The following FAT3 variants were observed in gnomAD, a reference collection of about 807,000 sequenced individuals.
The protein encoded by FAT3 is protocadherin Fat 3.
A neutral mutation model predicts 310.2 loss-of-function variants in FAT3; 95 were observed. The observed-to-expected ratio is 0.31, with a 90% CI of 0.26 to 0.36. The LOEUF is 0.36. Ranked by LOEUF, FAT3 falls within the 10% of genes least tolerant of loss-of-function variation. The pLI is 1.00. For missense variants in FAT3, 5,408 were observed against 5,715.6 expected (o/e 0.95, Z 1.74); for synonymous variants, 2,314 against 2,192.9 (o/e 1.06, Z -1.54).
At chr11:92,767,867 A>G (rs1227780590) in intron 6 of FAT3, among the ~76,000 whole-genome samples, 1 of 152,132 alleles carries the variant, frequency 6.6e-6, no homozygotes, top group Admixed American at 6.5e-5. Context: ...GAGATACCCC[A>G]GGCAGCCACT....
At chr11:92,422,197 A>AGT (rs1950546040) in intron 2 of FAT3, among the ~76,000 whole-genome samples, 2 of 152,154 alleles carry the variant, frequency 1.3e-5, no homozygotes, top group Non-Finnish European at 2.9e-5. Context: ...ACCAGTGAGA[A>AGT]AGACAAGTTT....
At chr11:92,683,974 G>A (rs925822681) in intron 3 of FAT3, among the ~76,000 whole-genome samples, 4 of 152,080 alleles carry the variant, frequency 2.6e-5, no homozygotes, top group South Asian at 2.1e-4. Context: ...ATGTAGCATC[G>A]ACATGTACAA....
chr11:92,491,352 C>T (rs1952592837), intron 2 of FAT3, among the ~76,000 whole-genome samples: 1 of 152,032 alleles, frequency 6.6e-6, no homozygotes. Context: ...GCAAAACCTA[C>T]TGCAATACAC....
chr11:92,798,606 A>G lies in FAT3; in HGVS notation c.5593A>G (p.Ser1865Gly). Residue 1865 changes from serine to glycine, a missense_variant, in exon 10 of 28, where the codon AGT becomes GGT. Physicochemically the swap from Ser to Gly is moderately conservative, Grantham distance 56. Coordinates refer to ENST00000525166, the MANE Select transcript of FAT3 (RefSeq NM_001367949.2). ...TGGTAGCCCCCAACTGACTGCAGAGAGTCCCGTTGAAGTCAACATTGAGGT... is the reference window on the plus strand; with the variant it reads ...TGGTAGCCCCCAACTGACTGCAGAGGGTCCCGTTGAAGTCAACATTGAGGT... ...DSGSPQLTAE[S>G]PVEVNIEVTD... 6.2e-7 allele frequency: 1 copy of G among 1,613,834 alleles called. No individual in the cohort carries two copies. Among genetic ancestry groups the G allele is most frequent in the African/African-American group, 1.3e-5 (1 of 75,044 alleles).
At chr11:92,881,115 C>T (rs1041584865) in intron 23 of FAT3, among the ~76,000 whole-genome samples, 2 of 152,080 alleles carry the variant, frequency 1.3e-5, no homozygotes, top group Non-Finnish European at 2.9e-5. Context: ...TTCCCTATAC[C>T]TTCAAAATTG....
In FAT3 at chr11:92,799,467, A is replaced by G; in HGVS notation, c.6454A>G (p.Ile2152Val). Residue 2152 changes from isoleucine (I) to valine (V), a missense_variant, in exon 10 of 28, where the codon ATT becomes GTT. Physicochemically the swap from Ile to Val is conservative, Grantham distance 29. Around this residue, in one of 5 missense-constraint regions of FAT3, gnomAD observed 4,588 missense variants for 4,809.8 expected, o/e 0.95. Transcript: ENST00000525166. ...AGCATTCAACTCTGACTTGTCCAAC[A>G]TTGAGTATGGAGTCACCATCCTAGC... Reference protein sequence around the residue: ...KEAFNSDLSNIEYGVTILAKD... With the variant: ...KEAFNSDLSNVEYGVTILAKD... 1 of 1,613,710 alleles carries G rather than the reference A, an allele frequency of 6.2e-7. No homozygotes were observed. Among genetic ancestry groups the G allele is most frequent in the Non-Finnish European group, 8.5e-7 (1 of 1,179,792 alleles).
intron 6 of FAT3, among the ~76,000 whole-genome samples, chr11:92,773,130 AT>A (rs1464368413): frequency 6.6e-6 from 1 of 152,122 alleles, no homozygotes; most frequent in African/African-American, 2.4e-5. Context: ...CATACATACC[AT>A]TATTTTTCTC....
intron 1 of FAT3, among the ~76,000 whole-genome samples, chr11:92,244,027 A>T (rs1231328603): frequency 6.6e-6 from 1 of 151,820 alleles, no homozygotes; most frequent in East Asian, 1.9e-4. Flanking sequence ...TTAGAATGTT[A>T]CTCTCTGCCT....
At chr11:92,727,003 T>A (rs1945021850) in intron 4 of FAT3, among the ~76,000 whole-genome samples, 1 of 152,146 alleles carries the variant, frequency 6.6e-6, no homozygotes, top group African/African-American at 2.4e-5. Context: ...ATACTGCTCT[T>A]ATGACAAAAT....
At chr11:92,707,353 G>C (rs536634902) in intron 4 of FAT3, among the ~76,000 whole-genome samples, 161 of 152,296 alleles carry the variant, frequency 1.1e-3, no homozygotes, top group African/African-American at 3.8e-3. Context: ...GTGCACACAG[G>C]CCTTAGGGAG....
chr11:92,634,051 C>T (rs1941664031), intron 3 of FAT3, among the ~76,000 whole-genome samples: 1 of 152,138 alleles, frequency 6.6e-6, no homozygotes, highest in Non-Finnish European at 1.5e-5. Context: ...AGTGAGACAC[C>T]TCTGTCCACT....
At chr11:92,255,758 C>T (rs912172423) in intron 1 of FAT3, among the ~76,000 whole-genome samples, 1 of 152,050 alleles carries the variant, frequency 6.6e-6, no homozygotes, top group Non-Finnish European at 1.5e-5. Flanking sequence ...CAGAGTCTGG[C>T]GCAAGTGCTC....
chr11:92,666,132 G>T (rs1425582639), intron 3 of FAT3, among the ~76,000 whole-genome samples: 1 of 152,118 alleles, frequency 6.6e-6, no homozygotes, highest in Non-Finnish European at 1.5e-5. Flanking sequence ...GACATTACCT[G>T]TTGGCAGCTT....
chr11:92,596,711 T>A (rs1939725351), intron 3 of FAT3, among the ~76,000 whole-genome samples: 1 of 152,172 alleles, frequency 6.6e-6, no homozygotes, highest in African/African-American at 2.4e-5. Flanking sequence ...ATAATCTCTG[T>A]CAGGCTTCAA....
chr11:92,412,734 T>TACACACAC (rs780704070), intron 2 of FAT3, among the ~76,000 whole-genome samples: 1 of 11,882 alleles, frequency 8.4e-5, no homozygotes, highest in Non-Finnish European at 2.4e-4. Context: ...TATATATATA[T>TACACACAC]ATATATATAT....
intron 7 of FAT3, among the ~76,000 whole-genome samples, chr11:92,774,980 A>AT (rs980208306): frequency 2.6e-5 from 4 of 151,818 alleles, no homozygotes; most frequent in South Asian, 2.1e-4. Context: ...ATATGAGAAG[A>AT]TTTTTTTTTC....
At chr11:92,664,797 G>T (rs1942900910) in intron 3 of FAT3, among the ~76,000 whole-genome samples, 1 of 152,104 alleles carries the variant, frequency 6.6e-6, no homozygotes, top group African/African-American at 2.4e-5. Context: ...ATTTTACATT[G>T]ATTGTTTACT....
intron 1 of FAT3, among the ~76,000 whole-genome samples, chr11:92,300,918 AT>A (rs1304782243): frequency 6.6e-6 from 1 of 151,968 alleles, no homozygotes; most frequent in Non-Finnish European, 1.5e-5. Context: ...TCTCTCTGGG[AT>A]TGTTTCGTTG....
chr11:92,755,642 A>G (rs1218655140), intron 4 of FAT3, among the ~76,000 whole-genome samples: 1 of 152,252 alleles, frequency 6.6e-6, no homozygotes, highest in East Asian at 1.9e-4. Context: ...CATGTTGTAT[A>G]TCATAAGTAT....
Sources: allele counts gnomAD v4.1 joint callset (sites outside exome capture counted in the v4.1 genomes callset), GRCh38; gene constraint gnomAD v4.1.1; regional missense constraint gnomAD v4.1.1; transcripts MANE v1.5; gene names NCBI Gene and HGNC (gene_info 2026-07-23, HGNC 2026-07-21).